SYNM: variants seen among roughly 807,000 people sequenced by gnomAD.
SYNM encodes desmuslin.
A neutral mutation model predicts 104.0 loss-of-function variants in SYNM; 95 were observed. The observed-to-expected ratio is 0.91, with a 90% CI of 0.77 to 1.08. SYNM has a LOEUF of 1.08. SYNM is among the 50% of genes least tolerant of loss of function. The pLI, the probability that SYNM is intolerant of heterozygous loss-of-function variation, is 0.00. For missense variants in SYNM, 2,150 were observed against 2,052.2 expected, an observed-to-expected ratio of 1.05 and a Z score of -0.92; for synonymous variants, 918 against 869.0, an observed-to-expected ratio of 1.06 and a Z score of -0.99.
chr15:99,131,159 C>G lies in SYNM; in HGVS notation c.2799C>G (p.Phe933Leu). 6.2e-7 allele frequency: 1 copy of G among 1,603,940 alleles called. No individual in the cohort carries two copies. Among genetic ancestry groups the G allele is most frequent in the Non-Finnish European group, 8.5e-7 (1 of 1,175,126 alleles). ...IEKEIKIPHE[F>L]HTSMKGISSK... ...AAGAAATTAAAATACCCCACGAATT[C>G]CACACCTCCATGAAGGGCATCTCCT... Residue 933 changes from phenylalanine to leucine, a missense_variant, in exon 4 of 4, where the codon TTC becomes TTG. Coordinates refer to ENST00000336292, the MANE Select transcript of SYNM (RefSeq NM_145728.3). This position sits in a 1 kb window ranked among gnomAD's most constrained non-coding sequence, Gnocchi z 4.3.
At chr15:99,125,393 G>A (rs2067437488) in intron 2 of SYNM, among the ~76,000 whole-genome samples, 1 of 152,256 alleles carries the variant, frequency 6.6e-6, no homozygotes. Flanking sequence ...ATGGGTTGGT[G>A]TCCTGTTTCC....
chr15:99,139,285 A>C, downstream of SYNM: 1 of 941,340 alleles, frequency 1.1e-6, no homozygotes, highest in South Asian at 1.8e-5. Context: ...AAAGGGAATG[A>C]GATAGAGAAA....
At position 99,132,566 on chromosome 15, in the gene SYNM, GCACATTCGA is replaced by G; in HGVS notation, c.4208_4216del (p.His1403_Arg1405del). ...CATCGGGTGTTAGCAGATCCTTTAG[GCACATTCGA>G]CTAGGTCCTACAGAAACGGAAACCT... is the stretch of plus-strand genomic sequence containing the variant. On this transcript the variant is annotated inframe_deletion, in exon 4 of 4. Transcript: ENST00000336292. 1.2e-6 allele frequency: 2 copies of G among 1,614,014 alleles called. No homozygotes were observed. The highest frequency in any genetic ancestry group is 1.7e-6 in the Non-Finnish European group (2 of 1,179,890).
At position 99,132,235 on chromosome 15, in the gene SYNM, T is replaced by C. The variant is rs1567285327; in HGVS notation, c.3875T>C (p.Ile1292Thr). 1.2e-6 allele frequency: 2 copies of C among 1,611,326 alleles called. No homozygotes were observed. Among genetic ancestry groups the C allele is most frequent in the Non-Finnish European group, 1.7e-6 (2 of 1,178,110 alleles). The change falls in exon 4 of 4, where the codon ATA becomes ACA. Residue 1292 changes from isoleucine (I) to threonine (T), a missense_variant. Ile to Thr is a moderately conservative substitution (Grantham distance 89, BLOSUM62 -1). Transcript: ENST00000336292. ...PLSDKVELGV[I>T]GDSVHMEGLP... The stretch of plus-strand genomic sequence containing the variant: ...TCAGACAAGGTGGAGTTGGGTGTCA[T>C]AGGAGATTCTGTACACATGGAAGGG...
In SYNM at chr15:99,131,739, A is replaced by G; in HGVS notation, c.3379A>G (p.Ile1127Val). 1 of 1,613,948 alleles carries G rather than the reference A, an allele frequency of 6.2e-7. No homozygotes were observed. Among genetic ancestry groups the G allele is most frequent in the Admixed American group, 1.7e-5 (1 of 60,036 alleles). Residue 1127 changes from isoleucine to valine, a missense_variant, in exon 4 of 4, where the codon ATA (isoleucine) becomes GTA (valine). Coordinates refer to ENST00000336292, the MANE Select transcript of SYNM (RefSeq NM_145728.3). This position sits in a 1 kb window ranked among gnomAD's most constrained non-coding sequence, Gnocchi z 4.3. Reference sequence around the variant, plus strand: ...GGATGTGAGCCAGGCTGCAAGGCACATAAAACTCGGCCCCTCTGAAGTCTG... The same window carrying G: ...GGATGTGAGCCAGGCTGCAAGGCACGTAAAACTCGGCCCCTCTGAAGTCTG... ...LEDVSQAARH[I>V]KLGPSEVWRT...
chr15:99,106,432 A>G (rs778869990), intron 1 of SYNM, among the ~76,000 whole-genome samples: 51 of 152,306 alleles, frequency 3.3e-4, no homozygotes, highest in Non-Finnish European at 6.6e-4. Flanking sequence ...CCCGCTGTCT[A>G]TAGCGCTCCT....
intron 1 of SYNM, among the ~76,000 whole-genome samples, chr15:99,108,944 A>G (rs556681877): frequency 6.6e-6 from 1 of 152,332 alleles, no homozygotes; most frequent in African/African-American, 2.4e-5. Context: ...AGCTGGCTGA[A>G]TAGTTTTGGC....
chr15:99,137,434 T>TGTCG (rs2067679147), downstream of SYNM: 1 of 152,394 alleles, frequency 6.6e-6, no homozygotes, highest in South Asian at 2.1e-4. Context: ...AAGTCAGGTG[T>TGTCG]GTCGGCCTCC....
At chr15:99,139,306 C>T (rs529773652), downstream of SYNM, 108 of 1,610,360 alleles carry the variant, frequency 6.7e-5, no homozygotes, top group South Asian at 8.0e-4. Context: ...GTGTGAGGGA[C>T]GCCAACTCAC....
At chr15:99,108,790 C>T (rs546803798) in intron 1 of SYNM, among the ~76,000 whole-genome samples, 14 of 152,252 alleles carry the variant, frequency 9.2e-5, no homozygotes, top group Admixed American at 2.6e-4. Context: ...GCTGGGCGTC[C>T]GTTTCTCTCT....
rs150327415 is a variant in SYNM, at chr15:99,135,322, C to T, written c.*2264C>T. On this transcript the variant is annotated 3_prime_UTR_variant, in exon 4 of 4. Coordinates refer to ENST00000336292, the MANE Select transcript of SYNM (RefSeq NM_145728.3). ...GTGACATTGTGACAAGCTCCATGTC[C>T]TTTAAAATCAGTCACTCTGCACACA... is the stretch of plus-strand genomic sequence containing the variant. 3.2e-4 allele frequency: 49 copies of T among 152,742 alleles called. No homozygotes were observed. The East Asian group carries it at 9.2e-3, about 29-fold the overall frequency. 9.5% of individuals were successfully genotyped at this position (152,742 alleles called of 1,614,324 possible). A position where few individuals can be genotyped will look rare whatever the true frequency, so the allele number is the denominator to read the frequency against.
rs781886680 is a variant in SYNM at position 99,131,916 on chromosome 15, G to T, written c.3556G>T (p.Glu1186Ter). 1.9e-6 allele frequency: 3 copies of T among 1,613,932 alleles called. No homozygotes were observed. The Admixed American group carries it at 5.0e-5, about 27-fold the overall frequency. The change falls in exon 4 of 4, where the codon GAA (glutamate) becomes TAA (stop). Residue 1186 changes from glutamate to a stop codon, truncating the protein, a stop_gained. Coordinates refer to ENST00000336292, the MANE Select transcript of SYNM (RefSeq NM_145728.3). LOFTEE classifies it high-confidence loss of function. The surrounding 1 kb of genome is among the most constrained non-coding windows in gnomAD (Gnocchi z 4.3). Reference protein sequence around the residue: ...LGPGQSPLSREVIFLGPAPAC... With the variant: ...LGPGQSPLSR ...TCCCGGTCAAAGTCCACTGTCCAGA[G>T]AAGTCATCTTCCTAGGCCCTGCCCC...
At chr15:99,118,064 C>T (rs782447663) in intron 2 of SYNM, among the ~76,000 whole-genome samples, 6 of 152,190 alleles carry the variant, frequency 3.9e-5, no homozygotes, top group Non-Finnish European at 5.9e-5. Flanking sequence ...GGCCCTGCCC[C>T]GCTGCAGACT....
chr15:99,110,355 G>A (rs375721384), intron 1 of SYNM, among the ~76,000 whole-genome samples: 7 of 152,212 alleles, frequency 4.6e-5, no homozygotes, highest in African/African-American at 1.7e-4. Flanking sequence ...TTACTGCGGG[G>A]CATTGGTTAG....
Position 99,105,523 on chromosome 15 carries a change from C to T in SYNM, c.324C>T (p.Arg108=). The T allele has an allele frequency of 8.0e-7, 1 of 1,255,708 alleles. No individual in the cohort carries two copies. Among genetic ancestry groups the T allele is most frequent in the East Asian group, 3.4e-5 (1 of 28,986 alleles). The allele number at this position is 1,255,708 out of a possible 1,614,324, so 77.8% of individuals were successfully genotyped here. Residue 108 remains arginine, a synonymous_variant, in exon 1 of 4, where the codon CGC becomes CGT. Coordinates refer to ENST00000336292, the MANE Select transcript of SYNM (RefSeq NM_145728.3). ...LDAEERAARG[R]LDAELGAQQR... is the part of the protein sequence containing the mutation. ...CGGAGGAGCGCGCCGCCCGCGGCCG[C>T]CTGGACGCCGAGCTGGGTGCGCAGC...
the SYNM span, chr15:99,141,084 T>C: frequency 4.6e-5 from 7 of 152,356 alleles, no homozygotes; most frequent in Middle Eastern, 6.8e-3. Flanking sequence ...TACCAAGTTT[T>C]GTTAAAGATA....
intron 2 of SYNM, among the ~76,000 whole-genome samples, chr15:99,115,159 A>C (rs987112401): frequency 3.3e-5 from 5 of 152,182 alleles, no homozygotes; most frequent in African/African-American, 9.7e-5. Flanking sequence ...TAAAAAGGGC[A>C]CAGTGCCTGC....
At position 99,131,454 on chromosome 15, in the gene SYNM, G is replaced by A; in HGVS notation, c.3094G>A (p.Glu1032Lys). The A allele has an allele frequency of 6.2e-7, 1 of 1,607,944 alleles. No homozygotes were observed. Among genetic ancestry groups the A allele is most frequent in the Non-Finnish European group, 8.5e-7 (1 of 1,179,352 alleles). Residue 1032 changes from glutamate to lysine, a missense_variant, in exon 4 of 4, where the codon GAG (glutamate) becomes AAG (lysine). Transcript: ENST00000336292. This position sits in a 1 kb window ranked among gnomAD's most constrained non-coding sequence, Gnocchi z 4.3. ...GGCCAGTGAGATGGAGAAGGCTGTG[G>A]AGTCGGTGGTTCGGGAGAGCCTGAG... is the stretch of plus-strand genomic sequence containing the variant. Reference protein sequence around the residue: ...DEASEMEKAVESVVRESLSRQ... With the variant: ...DEASEMEKAVKSVVRESLSRQ...
chr15:99,105,717 C>CCGCCG lies in SYNM; in HGVS notation c.525_529dup (p.Pro177ArgfsTer98). The CCGCCG allele has an allele frequency of 6.7e-7, 1 of 1,497,710 alleles. No individual in the cohort carries two copies. Among genetic ancestry groups the CCGCCG allele is most frequent in the Non-Finnish European group, 8.9e-7 (1 of 1,128,030 alleles). The allele number at this position is 1,497,710 out of a possible 1,614,324, so 92.8% of individuals were successfully genotyped here. On this transcript the variant is annotated frameshift_variant, in exon 1 of 4. Transcript: ENST00000336292. LOFTEE classifies it high-confidence loss of function. ...CATTTCCGCGCCCGCGCCACCGGCC[C>CCGCCG]CGCCGCGCCGCCGCCACGCCTGCGG...
Sources: gnomAD v4.1 joint callset for allele counts (sites outside exome capture counted in the v4.1 genomes callset) on GRCh38, gnomAD v4.1.1 for gene constraint, Gnocchi (gnomAD v3.1) non-coding constraint, MANE v1.5 for transcripts, NCBI Gene and HGNC (gene_info 2026-07-23, HGNC 2026-07-21) for gene names.